STAG2: variants seen among roughly 807,000 people sequenced by gnomAD.
STAG2 encodes STAG2 cohesin complex component.
Under a neutral mutation model 108.1 loss-of-function variants are expected in STAG2, and 14 were observed. That is an observed-to-expected ratio of 0.13 (90% CI 0.09 to 0.20). The LOEUF (loss-of-function observed/expected upper bound fraction) is 0.20, where lower values mean the gene tolerates loss of function less well. STAG2 is among the 10% of genes least tolerant of loss of function. STAG2 has a pLI of 1.00. For missense variants in STAG2, 440 were observed against 940.9 expected (o/e 0.47, Z 6.96); for synonymous variants, 307 against 302.7 (o/e 1.01, Z -0.15).
At chrX:124,005,148 AT>A (rs1016306604) in intron 1 of STAG2, among the ~76,000 whole-genome samples, 42 of 111,227 alleles carry the variant, frequency 3.8e-4, no homozygotes, top group South Asian at 3.7e-4. Flanking sequence ...TTTTATTTGT[AT>A]TTTTTTTATT....
chrX:124,054,642 C>T (rs1342627442), intron 13 of STAG2, among the ~76,000 whole-genome samples: 1 of 112,039 alleles, frequency 8.9e-6, no homozygotes, highest in Non-Finnish European at 1.9e-5. Flanking sequence ...CATACCCATT[C>T]ATGTTGATTT....
Position 124,063,865 on chromosome X carries a change from G to A in STAG2, c.1839G>A (p.Leu613=). ...TTTTGCAGCATTTGGATGCCTTATT[G>A]CGACAGATCCGGAATATTGTAGAGA... ...GRLEKHLDAL[L]RQIRNIVEKH... Residue 613 remains leucine (L), a synonymous_variant, in exon 20 of 35, where the codon TTG becomes TTA. Coordinates refer to ENST00000371145, the MANE Select transcript of STAG2 (RefSeq NM_001042750.2). 8.3e-7 allele frequency: 1 copy of A among 1,209,651 alleles called. No homozygotes were observed. Among genetic ancestry groups the A allele is most frequent in the Non-Finnish European group, 1.1e-6 (1 of 894,218 alleles).
At chrX:124,023,682 A>G (rs1464976235) in intron 3 of STAG2, among the ~76,000 whole-genome samples, 1 of 111,727 alleles carries the variant, frequency 9.0e-6, no homozygotes, top group African/African-American at 3.2e-5. Context: ...TGCCTTTATG[A>G]GTTCATATTT....
intron 1 of STAG2, among the ~76,000 whole-genome samples, chrX:123,972,535 T>A (rs1259610781): frequency 9.2e-6 from 1 of 109,289 alleles, no homozygotes; most frequent in Admixed American, 9.8e-5. Context: ...CCTCCCAAAG[T>A]GCCGGGATTA....
chrX:123,980,313 A>G (rs1247881862), intron 1 of STAG2, among the ~76,000 whole-genome samples: 1 of 111,036 alleles, frequency 9.0e-6, no homozygotes, highest in East Asian at 2.8e-4. Context: ...CCGGAGGGTC[A>G]GAGGTGAAAA....
chrX:124,057,221 A>G (rs2058233059), intron 14 of STAG2, among the ~76,000 whole-genome samples: 1 of 112,310 alleles, frequency 8.9e-6, no homozygotes, highest in African/African-American at 3.2e-5. Context: ...CACAGAAAAC[A>G]AAGATTGTTA....
At chrX:124,045,668 C>T (rs1487252291) in intron 8 of STAG2, among the ~76,000 whole-genome samples, 2 of 110,867 alleles carry the variant, frequency 1.8e-5, no homozygotes, top group Admixed American at 1.9e-4. Context: ...AAATACTATG[C>T]CACAGCAAGG....
At chrX:124,046,530 A>C (rs188696889) in intron 8 of STAG2, among the ~76,000 whole-genome samples, 2 of 112,170 alleles carry the variant, frequency 1.8e-5, no homozygotes, top group African/African-American at 6.5e-5. Flanking sequence ...AAGAGAGCCA[A>C]TAGCCACAAA....
intron 1 of STAG2, among the ~76,000 whole-genome samples, chrX:124,000,983 G>A (rs2056006926): frequency 8.9e-6 from 1 of 112,158 alleles, no homozygotes. Flanking sequence ...TTCTACAGCT[G>A]TGCAATATGT....
chrX:124,039,137 T>TTTATTTA (rs376947734), intron 6 of STAG2, among the ~76,000 whole-genome samples: 4 of 94,102 alleles, frequency 4.3e-5, no homozygotes, highest in Non-Finnish European at 8.4e-5. Context: ...TCCCCTTTTA[T>TTTATTTA]TTATTATTAT....
intron 20 of STAG2, 110 bp downstream of exon 20, chrX:124,064,161 G>C: frequency 1.8e-6 from 1 of 547,509 alleles, no homozygotes; most frequent in South Asian, 3.7e-5. Context: ...GCAGTATTTT[G>C]AAAAGATGTT....
At chrX:124,016,287 G>A (rs112333513) in intron 1 of STAG2, among the ~76,000 whole-genome samples, 57 of 110,767 alleles carry the variant, frequency 5.1e-4, no homozygotes, top group Middle Eastern at 4.6e-3. Context: ...CTATAGGCAC[G>A]CGCCACCATG....
At chrX:124,049,127 C>A (rs187118839) in intron 10 of STAG2, 49 bp downstream of exon 10, 2 of 1,002,083 alleles carry the variant, frequency 2.0e-6, no homozygotes, top group South Asian at 2.1e-5. Flanking sequence ...AATTTCTACT[C>A]AGCAAGTTTG....
In STAG2 at chrX:123,961,816, A is replaced by G. The variant is rs1186080159; in HGVS notation, c.-203A>G. Reference sequence around the variant, plus strand: ...GGTGGGGGAACTGCTGGGGAAGGCGATTGGCATCGATCTCTCCATCCCTTC... The same window carrying G: ...GGTGGGGGAACTGCTGGGGAAGGCGGTTGGCATCGATCTCTCCATCCCTTC... On this transcript the variant is annotated 5_prime_UTR_variant, in exon 1 of 35. Coordinates refer to ENST00000371145, the MANE Select transcript of STAG2 (RefSeq NM_001042750.2). The G allele has an allele frequency of 1.8e-5, 2 of 109,226 alleles. No individual in the cohort carries two copies. The highest frequency in any genetic ancestry group is 3.8e-5 in the Non-Finnish European group (2 of 52,335). The allele number at this position is 109,226 out of a possible 1,213,427, so 9.0% of individuals were successfully genotyped here.
intron 1 of STAG2, among the ~76,000 whole-genome samples, chrX:124,013,160 C>T (rs943803809): frequency 9.0e-6 from 1 of 111,490 alleles, no homozygotes; most frequent in Non-Finnish European, 1.9e-5. Context: ...TTCATTTATA[C>T]CAGCTAATAT....
chrX:124,073,036 C>A (rs188999905), intron 25 of STAG2, among the ~76,000 whole-genome samples: 1 of 107,356 alleles, frequency 9.3e-6, no homozygotes, highest in African/African-American at 3.4e-5. Flanking sequence ...TGAGCCACTG[C>A]GCCCGGCCTA....
intron 4 of STAG2, among the ~76,000 whole-genome samples, chrX:124,028,817 TA>T (rs1569507012): frequency 0.027 from 1,966 of 73,926 alleles, 71 homozygotes; most frequent in African/African-American, 0.091. Context: ...TATATATATA[TA>T]TATATTTTTT....
chrX:124,007,895 T>C (rs757954937), intron 1 of STAG2, among the ~76,000 whole-genome samples: 2 of 112,050 alleles, frequency 1.8e-5, no homozygotes, highest in African/African-American at 3.2e-5. Flanking sequence ...CTATGAGTTA[T>C]GATCAACATG....
rs770381535 is a variant in STAG2 at position 124,019,722 on chromosome X, G to C, written c.-162-1645G>C. Among the ~76,000 whole-genome samples, 7 of 111,089 alleles carry C rather than the reference G, an allele frequency of 6.3e-5. No homozygotes were observed. In the East Asian group the frequency reaches 2.0e-3, roughly 32 times the overall value. ...AGGCTAAGGTGGGTGAATTGCTTGAGCCCAGGAGTTCAAGACTAACCTGAG... is the reference window on the plus strand; with the variant it reads ...AGGCTAAGGTGGGTGAATTGCTTGACCCCAGGAGTTCAAGACTAACCTGAG... On this transcript the variant is annotated intron_variant, in intron 1 of 34. Coordinates refer to ENST00000371145, the MANE Select transcript of STAG2 (RefSeq NM_001042750.2).
Sources: allele counts gnomAD v4.1 joint callset (sites outside exome capture counted in the v4.1 genomes callset), GRCh38; gene constraint gnomAD v4.1.1; transcripts MANE v1.5; gene names NCBI Gene and HGNC (gene_info 2026-07-23, HGNC 2026-07-21).